GOLGA4: variants seen among roughly 807,000 people sequenced by gnomAD.
GOLGA4 encodes the protein golgin A4, also known as golgin subfamily A member 4.
A neutral mutation model predicts 265.9 loss-of-function variants in GOLGA4; 169 were observed. The ratio of observed to expected loss-of-function variants is 0.64; its 90% confidence interval spans 0.56 to 0.72. The LOEUF (loss-of-function observed/expected upper bound fraction) is 0.72, where lower values mean the gene tolerates loss of function less well. Ranked by LOEUF, GOLGA4 falls within the 30% of genes least tolerant of loss-of-function variation. The pLI is 0.00. For missense variants in GOLGA4, 2,482 were observed against 2,483.4 expected (o/e 1.00, Z 0.01); for synonymous variants, 923 against 855.8 (o/e 1.08, Z -1.37).
At chr3:37,341,958 A>G (rs927173618) in intron 20 of GOLGA4, among the ~76,000 whole-genome samples, 11 of 152,170 alleles carry the variant, frequency 7.2e-5, no homozygotes, top group African/African-American at 2.7e-4. Context: ...CTCAAGGATA[A>G]TATAGCTTAT....
chr3:37,261,536 AGTATG>A (rs2096769916), intron 2 of GOLGA4, among the ~76,000 whole-genome samples: 1 of 152,210 alleles, frequency 6.6e-6, no homozygotes, highest in Non-Finnish European at 1.5e-5. Flanking sequence ...AATTCTTCCA[AGTATG>A]GTATGAAACT....
Position 37,327,307 on chromosome 3 carries a change from A to G in GOLGA4, c.5421A>G (p.Lys1807=). ...LQEELEEKNK[K]YSLIVAQHVE... is the part of the protein sequence containing the mutation. ...AGGAGCTTGAAGAAAAAAACAAGAA[A>G]TATTCCTTGATAGTAGCCCAGCATG... is the stretch of plus-strand genomic sequence containing the variant. The change falls in exon 14 of 24, where the codon AAA becomes AAG. Residue 1807 remains lysine, a synonymous_variant. Coordinates refer to ENST00000361924, the MANE Select transcript of GOLGA4 (RefSeq NM_002078.5). The G allele has an allele frequency of 1.2e-6, 2 of 1,613,860 alleles. No individual in the cohort carries two copies. The highest frequency in any genetic ancestry group is 1.7e-6 in the Non-Finnish European group (2 of 1,179,854).
At chr3:37,304,658 A>G (rs2096901435) in intron 10 of GOLGA4, among the ~76,000 whole-genome samples, 1 of 152,198 alleles carries the variant, frequency 6.6e-6, no homozygotes, top group Admixed American at 6.5e-5. Flanking sequence ...AGTGTACTTA[A>G]TGAGGAGATA....
chr3:37,356,602 A>C (rs962008804), intron 22 of GOLGA4, among the ~76,000 whole-genome samples: 1 of 152,136 alleles, frequency 6.6e-6, no homozygotes, highest in Non-Finnish European at 1.5e-5. Context: ...AACAGAGAGA[A>C]TGTTGTTTTA....
chr3:37,255,197 G>C (rs1334173139), intron 2 of GOLGA4, among the ~76,000 whole-genome samples: 1 of 151,856 alleles, frequency 6.6e-6, no homozygotes, highest in Non-Finnish European at 1.5e-5. Context: ...GTCTCACTCT[G>C]TCACCCAGGC....
rs578220686 is a variant in GOLGA4, at chr3:37,261,179, A to G, written c.162+9695A>G. Among the ~76,000 whole-genome samples the G allele has an allele frequency of 2.7e-3, 418 of 152,264 alleles. 2 individuals carry two copies. The highest frequency in any genetic ancestry group is 4.0e-3 in the Non-Finnish European group (270 of 68,016). On this transcript the variant is annotated intron_variant, in intron 2 of 23. Coordinates refer to ENST00000361924, the MANE Select transcript of GOLGA4 (RefSeq NM_002078.5). ...GAGCAAGACCCTATCTCAAAAAAAA[A>G]AGAAAAAAGTCTGCTGGTTGTTGTT...
chr3:37,294,897 A>G, intron 5 of GOLGA4, 82 bp from the exon 6 acceptor site: 1 of 789,192 alleles, frequency 1.3e-6, no homozygotes, highest in Admixed American at 2.4e-5. Context: ...GCAAATCTGT[A>G]TTCAACATGT....
rs868483270 is a variant in GOLGA4 at position 37,315,689 on chromosome 3, G to T, written c.1413+91G>T. On this transcript the variant is annotated intron_variant, in intron 11 of 23. Coordinates refer to ENST00000361924, the MANE Select transcript of GOLGA4 (RefSeq NM_002078.5). ...ACTCTTTGACTGTAAAGAAGAGTTT[G>T]TTTGTATTTTAGACATTGACTGTTT... The T allele has an allele frequency of 9.2e-5, 103 of 1,113,794 alleles. No homozygotes were observed. The Middle Eastern group carries it at 6.5e-3, about 71-fold the overall frequency. 69.0% of individuals were successfully genotyped at this position (1,113,794 alleles called of 1,614,324 possible). A position where few individuals can be genotyped will look rare whatever the true frequency, so the allele number is the denominator to read the frequency against.
intron 2 of GOLGA4, among the ~76,000 whole-genome samples, chr3:37,261,128 G>A (rs903910905): frequency 1.3e-4 from 20 of 151,658 alleles, no homozygotes; most frequent in Non-Finnish European, 2.6e-4. Context: ...CCATGACTGC[G>A]CCACCGCACT....
At chr3:37,262,072 G>T (rs1264597300) in intron 2 of GOLGA4, among the ~76,000 whole-genome samples, 1 of 152,080 alleles carries the variant, frequency 6.6e-6, no homozygotes, top group Admixed American at 6.5e-5. Flanking sequence ...TAATACAACA[G>T]TCTGGAAATT....
chr3:37,256,306 A>C (rs1035442462), intron 2 of GOLGA4, among the ~76,000 whole-genome samples: 1 of 152,042 alleles, frequency 6.6e-6, no homozygotes, highest in Non-Finnish European at 1.5e-5. Flanking sequence ...TGAGCTTTAT[A>C]TATTCCGTTC....
chr3:37,350,845 T>TA (rs536396707), intron 21 of GOLGA4, among the ~76,000 whole-genome samples: 26 of 151,250 alleles, frequency 1.7e-4, no homozygotes, highest in Middle Eastern at 3.4e-3. Flanking sequence ...ACTTTATTGC[T>TA]AAAAAAAAAT....
At chr3:37,350,295 G>A (rs554943980) in intron 21 of GOLGA4, among the ~76,000 whole-genome samples, 1 of 152,286 alleles carries the variant, frequency 6.6e-6, no homozygotes, top group South Asian at 2.1e-4. Context: ...GTAATGAGCT[G>A]CAGATTCACT....
At chr3:37,295,278 C>T (rs1010080740) in intron 6 of GOLGA4, among the ~76,000 whole-genome samples, 1 of 152,072 alleles carries the variant, frequency 6.6e-6, no homozygotes, top group Non-Finnish European at 1.5e-5. Context: ...AGTGCAGTGG[C>T]GTGATCATAG....
At chr3:37,253,886 C>T (rs781751247) in intron 2 of GOLGA4, among the ~76,000 whole-genome samples, 33 of 152,020 alleles carry the variant, frequency 2.2e-4, no homozygotes, top group Middle Eastern at 3.4e-3. Context: ...CGTGGTGACA[C>T]GTCCCTGTAA....
chr3:37,298,859 C>G lies in GOLGA4; in HGVS notation c.841C>G (p.Leu281Val), dbSNP rs1254281402. 1 of 1,607,984 alleles carries G rather than the reference C, an allele frequency of 6.2e-7. No homozygotes were observed. The change falls in exon 8 of 24, where the codon CTG becomes GTG. Residue 281 changes from leucine (L) to valine (V), a missense_variant. By Grantham distance (32) the Leu-to-Val change is conservative. Coordinates refer to ENST00000361924, the MANE Select transcript of GOLGA4 (RefSeq NM_002078.5). ...VVEDGTSVKTLETLQQRVKRQ... is the reference protein window; with the variant it reads ...VVEDGTSVKTVETLQQRVKRQ... ...GGAAGATGGAACTTCTGTAAAAACACTGGAAACACTCCAGCAAAGAGTGAA... is the reference window on the plus strand; with the variant it reads ...GGAAGATGGAACTTCTGTAAAAACAGTGGAAACACTCCAGCAAAGAGTGAA...
chr3:37,312,842 A>G (rs1164060794), intron 10 of GOLGA4, among the ~76,000 whole-genome samples: 1 of 152,186 alleles, frequency 6.6e-6, no homozygotes, highest in Non-Finnish European at 1.5e-5. Context: ...GAATCTTTAT[A>G]AATGATTTCA....
chr3:37,309,427 C>T lies in GOLGA4; in HGVS notation c.1235-5993C>T, dbSNP rs566984934. 2.0e-5 allele frequency among the ~76,000 whole-genome samples: 3 copies of T among 150,444 alleles called. No individual in the cohort carries two copies. The East Asian group carries it at 5.9e-4, about 30-fold the overall frequency. ...AAAATTAGCTGGGCATGGTGGCACA[C>T]GCCTGTAATCCCAGCTATTCTGGAG... On this transcript the variant is annotated intron_variant, in intron 10 of 23. Transcript: ENST00000361924.
chr3:37,278,844 T>TGGTG (rs2096826863), intron 2 of GOLGA4, among the ~76,000 whole-genome samples: 1 of 149,856 alleles, frequency 6.7e-6, no homozygotes, highest in Non-Finnish European at 1.5e-5. Context: ...ACAGAGTCTC[T>TGGTG]CTGTGTCACC....
Sources: allele counts gnomAD v4.1 joint callset (sites outside exome capture counted in the v4.1 genomes callset), GRCh38; gene constraint gnomAD v4.1.1; transcripts MANE v1.5; gene names NCBI Gene and HGNC (gene_info 2026-07-23, HGNC 2026-07-21).